The following EFTUD2 variants were observed in gnomAD, a reference collection of about 807,000 sequenced individuals.
EFTUD2 encodes 116 kDa U5 small nuclear ribonucleoprotein component.
In EFTUD2, 9 loss-of-function variants were observed where a neutral mutation model predicts 114.3. The ratio of observed to expected loss-of-function variants is 0.08; its 90% CI spans 0.05 to 0.14. EFTUD2 has a LOEUF of 0.14. EFTUD2 is among the 10% of genes least tolerant of loss of function. The pLI, the probability that EFTUD2 is intolerant of heterozygous loss-of-function variation, is 1.00. For missense variants in EFTUD2, 765 were observed against 1,241.2 expected (o/e 0.62, Z 5.76); for synonymous variants, 449 against 462.3 (o/e 0.97, Z 0.37).
At chr17:44,897,959 T>C (rs1384967025) in intron 1 of EFTUD2, among the ~76,000 whole-genome samples, 1 of 152,126 alleles carries the variant, frequency 6.6e-6, no homozygotes, top group Non-Finnish European at 1.5e-5. Flanking sequence ...ACTGGATAAA[T>C]GTTAACTGAA....
At chr17:44,885,235 C>G (rs377610917) in intron 4 of EFTUD2, 21 bp downstream of exon 4, 3 of 1,596,400 alleles carry the variant, frequency 1.9e-6, no homozygotes, top group South Asian at 2.2e-5. Context: ...TGCAGAGAAG[C>G]TGAGAAACCT....
At chr17:44,851,929 T>C (rs1387208034) in intron 26 of EFTUD2, 112 bp from the exon 27 acceptor site, 1 of 982,102 alleles carries the variant, frequency 1.0e-6, no homozygotes, top group African/African-American at 1.7e-5. Context: ...TTATTATTAT[T>C]TTTTTGAGAT....
intron 6 of EFTUD2, among the ~76,000 whole-genome samples, chr17:44,882,558 T>C (rs1275399995): frequency 6.6e-6 from 1 of 152,078 alleles, no homozygotes; most frequent in Non-Finnish European, 1.5e-5. Context: ...TCTTTTTGAG[T>C]TGGGGGAGGT....
chr17:44,890,552 C>A (rs146180578), intron 2 of EFTUD2, among the ~76,000 whole-genome samples: 1 of 151,660 alleles, frequency 6.6e-6, no homozygotes, highest in Non-Finnish European at 1.5e-5. Flanking sequence ...ACTAGCCGGG[C>A]GTGGACGCAC....
At chr17:44,880,459 C>T (rs1351756227) in intron 8 of EFTUD2, 95 bp downstream of exon 8, 3 of 844,374 alleles carry the variant, frequency 3.6e-6, no homozygotes, top group Non-Finnish European at 5.6e-6. Context: ...AATGTAAAAA[C>T]AAAGATGCAC....
chr17:44,890,472 C>A (rs1245730334), intron 2 of EFTUD2, among the ~76,000 whole-genome samples: 1 of 151,622 alleles, frequency 6.6e-6, no homozygotes, highest in Non-Finnish European at 1.5e-5. Context: ...GCGGGCAGAT[C>A]ACCTAAGGTT....
At chr17:44,859,295 T>G in intron 18 of EFTUD2, 114 bp from the exon 19 acceptor site, 1 of 747,356 alleles carries the variant, frequency 1.3e-6, no homozygotes. Context: ...AGCTACTACT[T>G]AGCATCTGTT....
In EFTUD2 at chr17:44,850,577, C is replaced by T; in HGVS notation, c.*697G>A. 1.9e-6 allele frequency: 1 copy of T among 537,372 alleles called. No homozygotes were observed. The highest frequency in any genetic ancestry group is 2.5e-5 in the South Asian group (1 of 40,282). The allele number at this position is 537,372 out of a possible 1,614,324, so 33.3% of individuals were successfully genotyped here. ...GGCTGGAAATCAAAGTGCTCTGGCC[C>T]CCTACTCCAGGGCAAGGAAGATTCT... On this transcript the variant is annotated 3_prime_UTR_variant, in exon 28 of 28. Coordinates refer to ENST00000426333, the MANE Select transcript of EFTUD2 (RefSeq NM_004247.4).
chr17:44,868,731 C>T (rs1359111781), intron 11 of EFTUD2, among the ~76,000 whole-genome samples: 1 of 152,198 alleles, frequency 6.6e-6, no homozygotes, highest in Non-Finnish European at 1.5e-5. Flanking sequence ...GGTTCTTTCA[C>T]CCTTTCCTGA....
chr17:44,889,441 G>T (rs1228542180), intron 2 of EFTUD2, among the ~76,000 whole-genome samples: 1 of 152,206 alleles, frequency 6.6e-6, no homozygotes, highest in Non-Finnish European at 1.5e-5. Flanking sequence ...CATTTTATCT[G>T]TGTATGCTGA....
intron 2 of EFTUD2, among the ~76,000 whole-genome samples, chr17:44,889,579 G>GT (rs1290716154): frequency 6.6e-6 from 1 of 152,232 alleles, no homozygotes; most frequent in Non-Finnish European, 1.5e-5. Flanking sequence ...CAAATCATTC[G>GT]TAAGAACGGA....
At chr17:44,873,114 A>G (rs923611081) in intron 10 of EFTUD2, 29 of 152,714 alleles carry the variant, frequency 1.9e-4, no homozygotes, top group African/African-American at 7.0e-4. Flanking sequence ...TAACATTTAT[A>G]AGAAAACGAG....
rs760084036 is a variant in EFTUD2 at position 44,886,713 on chromosome 17, T to G, written c.143A>C (p.His48Pro). 6 of 1,614,020 alleles carry G rather than the reference T, an allele frequency of 3.7e-6. No individual in the cohort carries two copies. The East Asian group carries it at 1.3e-4, about 36-fold the overall frequency. Residue 48 changes from histidine (H) to proline (P), a missense_variant, in exon 3 of 28, where the codon CAT (histidine) becomes CCT (proline). Around this residue, in one of 6 missense-constraint regions of EFTUD2, gnomAD observed 121 missense variants for 133.7 expected, o/e 0.90. Coordinates refer to ENST00000426333, the MANE Select transcript of EFTUD2 (RefSeq NM_004247.4). ...DDDDDDDVGD[H>P]DDDHPGMEVV... is the part of the protein sequence containing the mutation. Reference sequence around the variant, plus strand: ...CTCCATCCCAGGGTGGTCATCGTCATGATCTCCTACGTCATCGTCGTCGTC... The same window carrying G: ...CTCCATCCCAGGGTGGTCATCGTCAGGATCTCCTACGTCATCGTCGTCGTC...
At position 44,862,703 on chromosome 17, in the gene EFTUD2, T is replaced by C. The variant is rs1378751360; in HGVS notation, c.1607+10A>G. ...CCAAGGCATACTCCTGGGGCTCTGGTTGGCAGTACCTGGCCACAGAGATCC... is the reference window on the plus strand; with the variant it reads ...CCAAGGCATACTCCTGGGGCTCTGGCTGGCAGTACCTGGCCACAGAGATCC... On this transcript the variant is annotated intron_variant, in intron 16 of 27. Transcript: ENST00000426333. 3.7e-6 allele frequency: 6 copies of C among 1,610,254 alleles called. No homozygotes were observed. The highest frequency in any genetic ancestry group is 5.1e-6 in the Non-Finnish European group (6 of 1,177,520).
chr17:44,886,837 C>T (rs1266662119), intron 2 of EFTUD2, 87 bp from the exon 3 acceptor site: 57 of 1,514,392 alleles, frequency 3.8e-5, no homozygotes, highest in Non-Finnish European at 4.9e-5. Flanking sequence ...ACAGCACTGA[C>T]TGTACATGCT....
At chr17:44,862,263 T>C (rs932719860) in intron 16 of EFTUD2, among the ~76,000 whole-genome samples, 2 of 152,054 alleles carry the variant, frequency 1.3e-5, no homozygotes, top group African/African-American at 4.8e-5. Flanking sequence ...AGTGAGACAT[T>C]GTCTCTACAA....
At chr17:44,893,639 G>C (rs1380546921) in intron 2 of EFTUD2, among the ~76,000 whole-genome samples, 2 of 152,118 alleles carry the variant, frequency 1.3e-5, no homozygotes, top group African/African-American at 2.4e-5. Flanking sequence ...AACCTTAGTA[G>C]CGAAGCTTTG....
At chr17:44,853,233 C>T (rs918128733) in intron 25 of EFTUD2, 63 bp downstream of exon 25, 56 of 1,541,992 alleles carry the variant, frequency 3.6e-5, no homozygotes, top group Middle Eastern at 4.2e-4. Flanking sequence ...CTGTAGGAGC[C>T]GAGGTGACTC....
intron 9 of EFTUD2, 151 bp downstream of exon 9, chr17:44,879,405 T>G (rs2145531759): frequency 2.7e-6 from 2 of 734,118 alleles, no homozygotes; most frequent in East Asian, 5.5e-5. Flanking sequence ...TTTGAAACAT[T>G]TGCTGCTTTA....
Sources: gnomAD v4.1 joint callset for allele counts (sites outside exome capture counted in the v4.1 genomes callset) on GRCh38, gnomAD v4.1.1 for gene constraint, gnomAD v4.1.1 regional missense constraint, MANE v1.5 for transcripts, NCBI Gene and HGNC (gene_info 2026-07-23, HGNC 2026-07-21) for gene names.